PPP1R15B: variants seen among roughly 807,000 people sequenced by gnomAD.
PPP1R15B encodes protein phosphatase 1, regulatory (inhibitor) subunit 15B.
A neutral mutation model predicts 53.9 loss-of-function variants in PPP1R15B; 31 were observed. The observed-to-expected ratio is 0.58, with a 90% CI of 0.43 to 0.78. PPP1R15B has a LOEUF of 0.78. PPP1R15B is among the 30% of genes least tolerant of loss of function. The pLI is 0.00. For missense variants in PPP1R15B, 928 were observed against 849.6 expected (o/e 1.09, Z -1.15); for synonymous variants, 345 against 329.1 (o/e 1.05, Z -0.52).
rs1264072679 is a variant in PPP1R15B, at chr1:204,409,504, G to C, written c.1908C>G (p.Val636=). 6.3e-7 allele frequency: 1 copy of C among 1,598,406 alleles called. No homozygotes were observed. Among genetic ancestry groups the C allele is most frequent in the East Asian group, 2.2e-5 (1 of 44,740 alleles). ...DVLSGGRHTH[V]KRKKVTFLEE... ...ACAAGAAACAAACCTTTTTTCTTTT[G>C]ACATGTGTGTGTCTTCCTCCAGAAA... The change falls in exon 1 of 2, where the codon GTC becomes GTG. Residue 636 remains valine, a synonymous_variant. Coordinates refer to ENST00000367188, the MANE Select transcript of PPP1R15B (RefSeq NM_032833.5).
chr1:204,405,780 G>C lies in PPP1R15B; in HGVS notation c.*312C>G, dbSNP rs114722944. 1,768 of 1,054,960 alleles carry C rather than the reference G, an allele frequency of 1.7e-3. 3 individuals are homozygous for C. Among genetic ancestry groups the C allele is most frequent in the Non-Finnish European group, 1.9e-3 (1,627 of 872,548 alleles). 65.3% of individuals were successfully genotyped at this position (1,054,960 alleles called of 1,614,324 possible). On this transcript the variant is annotated 3_prime_UTR_variant, in exon 2 of 2. Transcript: ENST00000367188. The stretch of plus-strand genomic sequence containing the variant: ...ATTGTTTTCCAAGAAAATAAGTTTT[G>C]AAAGTGCAAAATGACAACTCAAAAA...
Position 204,410,567 on chromosome 1 carries a change from C to T in PPP1R15B, c.845G>A (p.Cys282Tyr), listed in dbSNP as rs746677531. ...TAGGCCTTCCGTAGAAAGAGGTGGACATCCCTGCCACGAGGCCGGAATGAG... is the reference window on the plus strand; with the variant it reads ...TAGGCCTTCCGTAGAAAGAGGTGGATATCCCTGCCACGAGGCCGGAATGAG... ...AELIPASWQG[C>Y]PPLSTEGLPE... is the part of the protein sequence containing the mutation. Residue 282 changes from cysteine (C) to tyrosine (Y), a missense_variant, in exon 1 of 2, where the codon TGT becomes TAT. By Grantham distance (194) the Cys-to-Tyr change is radical. Transcript: ENST00000367188. The T allele has an allele frequency of 6.2e-7, 1 of 1,613,752 alleles. No homozygotes were observed. The highest frequency in any genetic ancestry group is 8.5e-7 in the Non-Finnish European group (1 of 1,179,844).
Position 204,410,262 on chromosome 1 carries a change from C to G in PPP1R15B, c.1150G>C (p.Gly384Arg). 3 of 1,614,124 alleles carry G rather than the reference C, an allele frequency of 1.9e-6. No homozygotes were observed. The highest frequency in any genetic ancestry group is 1.7e-6 in the Non-Finnish European group (2 of 1,180,026). ...LALEEESPSE[G>R]CPSSEIPMEK... ...ATAGGTATCTCACTAGATGGACAGC[C>G]CTCAGAAGGGCTCTCTTCTTCCAAA... Residue 384 changes from glycine to arginine, a missense_variant, in exon 1 of 2, where the codon GGC becomes CGC. Gly to Arg is a moderately radical substitution (Grantham distance 125). Coordinates refer to ENST00000367188, the MANE Select transcript of PPP1R15B (RefSeq NM_032833.5).
rs1311118744 is a variant in PPP1R15B at position 204,405,912 on chromosome 1, C to A, written c.*180G>T. 3 of 1,397,562 alleles carry A rather than the reference C, an allele frequency of 2.1e-6. No homozygotes were observed. The highest frequency in any genetic ancestry group is 1.6e-5 in the South Asian group (1 of 61,532). 86.6% of individuals were successfully genotyped at this position (1,397,562 alleles called of 1,614,324 possible). A position where few individuals can be genotyped will look rare whatever the true frequency, so the allele number is the denominator to read the frequency against. On this transcript the variant is annotated 3_prime_UTR_variant, in exon 2 of 2. Coordinates refer to ENST00000367188, the MANE Select transcript of PPP1R15B (RefSeq NM_032833.5). ...ACTAGTTCATCCTTCATTATCAGGG[C>A]TGGCTTCAAACCTGAATGTTTCTGA... is the stretch of plus-strand genomic sequence containing the variant.
downstream of PPP1R15B, among the ~76,000 whole-genome samples, chr1:204,396,535 A>G (rs909211022): frequency 3.5e-5 from 5 of 144,156 alleles, no homozygotes; most frequent in Non-Finnish European, 7.6e-5. Flanking sequence ...CCTGGGTGAC[A>G]GTAAGACCCT....
Position 204,410,989 on chromosome 1 carries a change from A to C in PPP1R15B, c.423T>G (p.Asp141Glu), listed in dbSNP as rs1353778422. Residue 141 changes from aspartate to glutamate, a missense_variant, in exon 1 of 2, where the codon GAT becomes GAG. Coordinates refer to ENST00000367188, the MANE Select transcript of PPP1R15B (RefSeq NM_032833.5). The part of the protein sequence containing the change: ...SSDPSVTSPL[D>E]WLEEGIHWQY... ...GCCAGTGGATCCCCTCCTCTAGCCAATCAAGGGGACTGGTGACCGAGGGGT... is the reference window on the plus strand; with the variant it reads ...GCCAGTGGATCCCCTCCTCTAGCCACTCAAGGGGACTGGTGACCGAGGGGT... The C allele has an allele frequency of 1.2e-6, 2 of 1,614,152 alleles. No homozygotes were observed. The highest frequency in any genetic ancestry group is 8.5e-7 in the Non-Finnish European group (1 of 1,180,016).
At chr1:204,397,251 G>A (rs1053023807), downstream of PPP1R15B, among the ~76,000 whole-genome samples, 9 of 151,834 alleles carry the variant, frequency 5.9e-5, no homozygotes, top group South Asian at 4.2e-4. Flanking sequence ...AAGCCCAGGC[G>A]TGATGGCTCA....
In PPP1R15B at chr1:204,410,979, C is replaced by G; in HGVS notation, c.433G>C (p.Glu145Gln). Residue 145 changes from glutamate (E) to glutamine (Q), a missense_variant, in exon 1 of 2, where the codon GAG (glutamate) becomes CAG (glutamine). By Grantham distance (29) the Glu-to-Gln change is conservative. Coordinates refer to ENST00000367188, the MANE Select transcript of PPP1R15B (RefSeq NM_032833.5). ...GGCGAGTATTGCCAGTGGATCCCCT[C>G]CTCTAGCCAATCAAGGGGACTGGTG... ...SVTSPLDWLE[E>Q]GIHWQYSPPD... The G allele has an allele frequency of 6.2e-7, 1 of 1,614,170 alleles. No homozygotes were observed. Among genetic ancestry groups the G allele is most frequent in the Non-Finnish European group, 8.5e-7 (1 of 1,180,028 alleles).
rs1304601909 is a variant in PPP1R15B at position 204,403,540 on chromosome 1, CTTAAA to C, written c.*2547_*2551del. ...CTTCTAGTCCCCTAACTTTACCTTCCTTAAATTATACAAAAATAAAATCTGATAGT... is the reference window on the plus strand; with the variant it reads ...CTTCTAGTCCCCTAACTTTACCTTCCTTATACAAAAATAAAATCTGATAGT... On this transcript the variant is annotated 3_prime_UTR_variant, in exon 2 of 2. Transcript: ENST00000367188. The C allele has an allele frequency of 9.2e-6, 9 of 977,590 alleles. No individual in the cohort carries two copies. The highest frequency in any genetic ancestry group is 9.7e-6 in the Non-Finnish European group (8 of 822,654). 60.6% of individuals were successfully genotyped at this position (977,590 alleles called of 1,614,324 possible).
chr1:204,408,612 A>G (rs986111208), intron 1 of PPP1R15B, among the ~76,000 whole-genome samples: 2 of 152,252 alleles, frequency 1.3e-5, no homozygotes, highest in Non-Finnish European at 2.9e-5. Context: ...TCCCTCTACA[A>G]TAATAGACAC....
At position 204,410,695 on chromosome 1, in the gene PPP1R15B, C is replaced by G; in HGVS notation, c.717G>C (p.Gln239His). The G allele has an allele frequency of 6.2e-7, 1 of 1,614,072 alleles. No individual in the cohort carries two copies. Among genetic ancestry groups the G allele is most frequent in the Non-Finnish European group, 8.5e-7 (1 of 1,179,958 alleles). ...DCFPRLEVSY[Q>H]NSDGNSEVVG... ...CTACCTCGCTATTTCCATCACTGTT[C>G]TGATAGCTGACTTCTAGCCTAGGAA... Residue 239 changes from glutamine to histidine, a missense_variant, in exon 1 of 2, where the codon CAG becomes CAC. By Grantham distance (24) the Gln-to-His change is conservative. Transcript: ENST00000367188.
rs781700250 is a variant in PPP1R15B, at chr1:204,411,190, G to T, written c.222C>A (p.Leu74=). Residue 74 remains leucine, a synonymous_variant, in exon 1 of 2, where the codon CTC becomes CTA. Coordinates refer to ENST00000367188, the MANE Select transcript of PPP1R15B (RefSeq NM_032833.5). The stretch of plus-strand genomic sequence containing the variant: ...TTAGCACCTTCTGAAGCAATCCGGG[G>T]AGCGGCGCAAGGAGCTGGGAGAGCA... ...TKLLSQLLAP[L]PGLLQKVLIW... 5.6e-6 allele frequency: 9 copies of T among 1,614,256 alleles called. No individual in the cohort carries two copies. The South Asian group carries it at 9.9e-5, about 18-fold the overall frequency.
chr1:204,410,887 G>C lies in PPP1R15B; in HGVS notation c.525C>G (p.Leu175=), dbSNP rs754805701. 2 of 1,614,148 alleles carry C rather than the reference G, an allele frequency of 1.2e-6. No individual in the cohort carries two copies. Among genetic ancestry groups the C allele is most frequent in the South Asian group, 1.1e-5 (1 of 91,078 alleles). Reference sequence around the variant, plus strand: ...CCACTCCCCACAGCTGCTGCTCTAAGAGAAAAGCCTGTGCTGCAGGGTCCA... The same window carrying C: ...CCACTCCCCACAGCTGCTGCTCTAACAGAAAAGCCTGTGCTGCAGGGTCCA... ...SALDPAAQAF[L]LEQQLWGVEL... The change falls in exon 1 of 2, where the codon CTC becomes CTG. Residue 175 remains leucine, a synonymous_variant. Coordinates refer to ENST00000367188, the MANE Select transcript of PPP1R15B (RefSeq NM_032833.5).
In PPP1R15B at chr1:204,411,069, G is replaced by A; in HGVS notation, c.343C>T (p.Pro115Ser). The change falls in exon 1 of 2, where the codon CCA becomes TCA. Residue 115 changes from proline to serine, a missense_variant. Transcript: ENST00000367188. ...ALRALKGREKPAAPTAQKSLS... is the reference protein window; with the variant it reads ...ALRALKGREKSAAPTAQKSLS... Reference sequence around the variant, plus strand: ...GATTTCTGCGCTGTGGGGGCGGCTGGTTTCTCCCGTCCCTTCAGGGCTCTC... The same window carrying A: ...GATTTCTGCGCTGTGGGGGCGGCTGATTTCTCCCGTCCCTTCAGGGCTCTC... 4 of 1,614,186 alleles carry A rather than the reference G, an allele frequency of 2.5e-6. No homozygotes were observed. Among genetic ancestry groups the A allele is most frequent in the Non-Finnish European group, 3.4e-6 (4 of 1,180,020 alleles).
chr1:204,405,908 A>G lies in PPP1R15B; in HGVS notation c.*184T>C. 1 of 1,384,798 alleles carries G rather than the reference A, an allele frequency of 7.2e-7. No homozygotes were observed. Among genetic ancestry groups the G allele is most frequent in the East Asian group, 2.6e-5 (1 of 37,922 alleles). The allele number at this position is 1,384,798 out of a possible 1,614,324, so 85.8% of individuals were successfully genotyped here. On this transcript the variant is annotated 3_prime_UTR_variant, in exon 2 of 2. Coordinates refer to ENST00000367188, the MANE Select transcript of PPP1R15B (RefSeq NM_032833.5). ...TCACACTAGTTCATCCTTCATTATC[A>G]GGGCTGGCTTCAAACCTGAATGTTT... is the stretch of plus-strand genomic sequence containing the variant.
rs759991812 is a variant in PPP1R15B at position 204,410,653 on chromosome 1, T to A, written c.759A>T (p.Leu253=). 3 of 1,614,026 alleles carry A rather than the reference T, an allele frequency of 1.9e-6. No individual in the cohort carries two copies. In the South Asian group the frequency reaches 3.3e-5, roughly 18 times the overall value. ...CTCTCAGGCAGCTGCTCTCTGGGGTTAGTGTCTGGAAGCCGACTACCTCGC... is the reference window on the plus strand; with the variant it reads ...CTCTCAGGCAGCTGCTCTCTGGGGTAAGTGTCTGGAAGCCGACTACCTCGC... The part of the protein sequence containing the change: ...GNSEVVGFQT[L]TPESSCLRED... The change falls in exon 1 of 2, where the codon CTA becomes CTT. Residue 253 remains leucine, a synonymous_variant. Transcript: ENST00000367188.
intron 1 of PPP1R15B, among the ~76,000 whole-genome samples, chr1:204,408,345 T>C (rs1674301532): frequency 1.3e-5 from 2 of 152,262 alleles, no homozygotes. Flanking sequence ...CAAAGAGAGA[T>C]GGCATTTACA....
Position 204,403,826 on chromosome 1 carries a change from A to T in PPP1R15B, c.*2266T>A. ...TTCTCCTTCAGTCCAACTTTAAAAT[A>T]GTCCTTTCTGTCCTTCTTATCACCT... On this transcript the variant is annotated 3_prime_UTR_variant, in exon 2 of 2. Transcript: ENST00000367188. The T allele has an allele frequency of 1.0e-6, 1 of 985,868 alleles. No homozygotes were observed. Among genetic ancestry groups the T allele is most frequent in the Non-Finnish European group, 1.2e-6 (1 of 829,926 alleles). 61.1% of individuals were successfully genotyped at this position (985,868 alleles called of 1,614,324 possible). A position where few individuals can be genotyped will look rare whatever the true frequency, so the allele number is the denominator to read the frequency against.
Position 204,410,867 on chromosome 1 carries a change from C to T in PPP1R15B, c.545G>A (p.Gly182Glu). ...QAFLLEQQLW[G>E]VELLPSSLQS... is the part of the protein sequence containing the mutation. ...AAGGCTACTGGGCAACAGCTCCACT[C>T]CCCACAGCTGCTGCTCTAAGAGAAA... The change falls in exon 1 of 2, where the codon GGA becomes GAA. Residue 182 changes from glycine to glutamate, a missense_variant. Coordinates refer to ENST00000367188, the MANE Select transcript of PPP1R15B (RefSeq NM_032833.5). The T allele has an allele frequency of 6.2e-7, 1 of 1,614,192 alleles. No individual in the cohort carries two copies. The highest frequency in any genetic ancestry group is 8.5e-7 in the Non-Finnish European group (1 of 1,180,032).
Sources: allele counts gnomAD v4.1 joint callset (sites outside exome capture counted in the v4.1 genomes callset), GRCh38; gene constraint gnomAD v4.1.1; transcripts MANE v1.5; gene names NCBI Gene and HGNC (gene_info 2026-07-23, HGNC 2026-07-21).